Variants in GRM8 observed in about 807,000 individuals in gnomAD.
GRM8 encodes the protein glutamate metabotropic receptor 8, also known as metabotropic glutamate receptor 8.
A neutral mutation model predicts 87.2 loss-of-function variants in GRM8; 47 were observed. The observed-to-expected ratio is 0.54, with a 90% confidence interval of 0.43 to 0.69. The LOEUF is 0.69. GRM8 is among the 30% of genes least tolerant of loss of function. GRM8 has a pLI of 0.00. For missense variants in GRM8, 1,019 were observed against 1,139.2 expected (o/e 0.89, Z 1.52); for synonymous variants, 396 against 404.5 (o/e 0.98, Z 0.25).
At chr7:127,160,018 G>A (rs1792999893) in intron 2 of GRM8, among the ~76,000 whole-genome samples, 1 of 152,154 alleles carries the variant, frequency 6.6e-6, no homozygotes, top group Admixed American at 6.5e-5. Flanking sequence ...AAAAGAATAT[G>A]TTTAATAGAG....
At chr7:126,984,337 G>A (rs1267607642) in intron 3 of GRM8, among the ~76,000 whole-genome samples, 1 of 152,206 alleles carries the variant, frequency 6.6e-6, no homozygotes, top group Non-Finnish European at 1.5e-5. Flanking sequence ...GATCCTGGGT[G>A]TGTCTGTGAG....
intron 3 of GRM8, among the ~76,000 whole-genome samples, chr7:127,077,783 C>A (rs547273363): frequency 3.3e-5 from 5 of 152,242 alleles, no homozygotes; most frequent in Admixed American, 2.6e-4. Context: ...CTTGCTCCCC[C>A]TTTCTCCTCC....
intron 8 of GRM8, among the ~76,000 whole-genome samples, chr7:126,586,932 C>G (rs1796192750): frequency 6.6e-6 from 1 of 152,106 alleles, no homozygotes; most frequent in Non-Finnish European, 1.5e-5. Flanking sequence ...ATCTACTCAT[C>G]TGACAAAGGG....
At chr7:126,570,573 CTAGTCCCATCACCCATTTAT>C (rs1794610807) in intron 8 of GRM8, among the ~76,000 whole-genome samples, 1 of 152,202 alleles carries the variant, frequency 6.6e-6, no homozygotes. Context: ...TAATTTTGCA[CTAGTCCCATCACCCATTTAT>C]TGGAAGGTTG....
intron 2 of GRM8, among the ~76,000 whole-genome samples, chr7:127,205,133 C>T (rs1184640503): frequency 6.6e-6 from 1 of 152,140 alleles, no homozygotes; most frequent in Non-Finnish European, 1.5e-5. Flanking sequence ...GGTACTCTTG[C>T]CTTAGTTTCT....
At chr7:127,072,455 T>C (rs1357626219) in intron 3 of GRM8, among the ~76,000 whole-genome samples, 1 of 152,208 alleles carries the variant, frequency 6.6e-6, no homozygotes, top group South Asian at 2.1e-4. Context: ...AAGGTCTCAC[T>C]GTGTTTGTGG....
chr7:126,594,132 G>T (rs1019000371), intron 8 of GRM8, among the ~76,000 whole-genome samples: 2 of 152,004 alleles, frequency 1.3e-5, no homozygotes, highest in Non-Finnish European at 2.9e-5. Flanking sequence ...TTTGCAAGCT[G>T]TTGGTGGGAA....
chr7:126,943,678 T>C lies in GRM8; in HGVS notation c.728-38995A>G, dbSNP rs150391226. On this transcript the variant is annotated intron_variant, in intron 3 of 10. Coordinates refer to ENST00000339582, the MANE Select transcript of GRM8 (RefSeq NM_000845.3). ...AAACCTTATCCATTTCTTCCCTCTC[T>C]CTCATTGACGCCGTGTATGTGCAAG... 2.4e-3 allele frequency among the ~76,000 whole-genome samples: 363 copies of C among 152,310 alleles called. 2 individuals carry two copies. Among genetic ancestry groups the C allele is most frequent in the African/African-American group, 8.4e-3 (349 of 41,572 alleles).
chr7:126,680,787 A>G (rs1807465238), intron 7 of GRM8, among the ~76,000 whole-genome samples: 3 of 152,304 alleles, frequency 2.0e-5, no homozygotes, highest in Admixed American at 2.0e-4. Flanking sequence ...TGTTTTCTCC[A>G]GCTTTTATTG....
intron 2 of GRM8, among the ~76,000 whole-genome samples, chr7:127,228,127 C>T (rs541941843): frequency 3.5e-4 from 53 of 152,230 alleles, no homozygotes; most frequent in Admixed American, 1.1e-3. Context: ...ATCTAAAAGG[C>T]AGTAAAAAGC....
chr7:127,069,600 G>C (rs546935326), intron 3 of GRM8, among the ~76,000 whole-genome samples: 4 of 152,322 alleles, frequency 2.6e-5, no homozygotes, highest in Admixed American at 2.6e-4. Context: ...GCAGATGAGA[G>C]AACCCCAAGA....
chr7:127,232,183 T>TGTG (rs1797724452), intron 2 of GRM8, among the ~76,000 whole-genome samples: 13 of 129,756 alleles, frequency 1.0e-4, no homozygotes, highest in African/African-American at 3.1e-4. Flanking sequence ...TGTTTCTTCT[T>TGTG]TGTGTGTGTG....
rs993411551 is a variant in GRM8 at position 127,165,044 on chromosome 7, T to C, written c.511-58332A>G. On this transcript the variant is annotated intron_variant, in intron 2 of 10. Coordinates refer to ENST00000339582, the MANE Select transcript of GRM8 (RefSeq NM_000845.3). ...AATATTCCACTATATACCTGGTTTT[T>C]TCTAAGTCCTGAGGATGTAACGGTG... Among the ~76,000 whole-genome samples, 7 of 150,480 alleles carry C rather than the reference T, an allele frequency of 4.7e-5. 1 individual carries two copies. Among genetic ancestry groups the C allele is most frequent in the Non-Finnish European group, 1.0e-4 (7 of 67,584 alleles).
At chr7:127,041,853 C>T (rs1004746156) in intron 3 of GRM8, among the ~76,000 whole-genome samples, 1 of 152,162 alleles carries the variant, frequency 6.6e-6, no homozygotes, top group Non-Finnish European at 1.5e-5. Context: ...ATCAATACAG[C>T]TTAGCCCTGC....
intron 2 of GRM8, among the ~76,000 whole-genome samples, chr7:127,125,265 G>C (rs534922073): frequency 1.3e-5 from 2 of 152,152 alleles, no homozygotes; most frequent in East Asian, 3.9e-4. Flanking sequence ...ACAAAGCAAA[G>C]ATTGGCATAA....
chr7:126,697,609 T>G (rs2151386718), intron 7 of GRM8, among the ~76,000 whole-genome samples: 1 of 152,258 alleles, frequency 6.6e-6, no homozygotes, highest in South Asian at 2.1e-4. Flanking sequence ...TGGGTCATTT[T>G]TTTTTCTTTT....
chr7:126,760,924 C>T (rs922952359), intron 7 of GRM8, among the ~76,000 whole-genome samples: 3 of 152,082 alleles, frequency 2.0e-5, no homozygotes, highest in East Asian at 3.9e-4. Flanking sequence ...AGGGCGGGCT[C>T]GATGATTCAC....
chr7:127,028,201 T>C (rs1388289674), intron 3 of GRM8, among the ~76,000 whole-genome samples: 2 of 152,228 alleles, frequency 1.3e-5, no homozygotes, highest in Admixed American at 1.3e-4. Context: ...TCATGGCAGA[T>C]AAGCTCTTTG....
chr7:126,807,378 G>A (rs1792876718), intron 6 of GRM8, among the ~76,000 whole-genome samples: 1 of 152,182 alleles, frequency 6.6e-6, no homozygotes, highest in African/African-American at 2.4e-5. Context: ...GGCCTAAGGA[G>A]CAGCGTTTTT....
Sources: allele counts gnomAD v4.1 joint callset (sites outside exome capture counted in the v4.1 genomes callset), GRCh38; gene constraint gnomAD v4.1.1; transcripts MANE v1.5; gene names NCBI Gene and HGNC (gene_info 2026-07-23, HGNC 2026-07-21).